HRH1: variants seen among roughly 807,000 people sequenced by gnomAD.
HRH1 encodes histamine receptor H1.
HRH1 carries 6 observed loss-of-function variants against 10.3 expected under a neutral mutation model. That is an observed-to-expected ratio of 0.58 (90% CI 0.32 to 1.15). The LOEUF is 1.15. Ranked by LOEUF, HRH1 falls within the 50% of genes most tolerant of loss-of-function variation. HRH1 has a pLI of 0.05. For missense variants in HRH1, 514 were observed against 615.3 expected, an observed-to-expected ratio of 0.84 and a Z score of 1.74; for synonymous variants, 242 against 236.7, an observed-to-expected ratio of 1.02 and a Z score of -0.21.
intron 1 of HRH1, among the ~76,000 whole-genome samples, chr3:11,232,043 G>GA (rs1939057040): frequency 6.6e-6 from 1 of 151,078 alleles, no homozygotes; most frequent in Non-Finnish European, 1.5e-5. Context: ...CCAGGCTGGA[G>GA]TGCAATGGTG....
rs552227637 is a variant in HRH1 at position 11,219,950 on chromosome 3, GTTTT to G, written c.-35-39036_-35-39033del. ...TTTAATTGTGGTAACTTAATGTGTT[GTTTT>G]TTTTTTTTTTTTTTTTACAATAAAT... On this transcript the variant is annotated intron_variant, in intron 1 of 1. Transcript: ENST00000431010. 6.0e-3 allele frequency among the ~76,000 whole-genome samples: 664 copies of G among 110,348 alleles called. 3 individuals are homozygous for G. The highest frequency in any genetic ancestry group is 0.019 in the African/African-American group (532 of 28,072). 72.4% of individuals were successfully genotyped at this position (110,348 alleles called of 152,430 possible). A position where few individuals can be genotyped will look rare whatever the true frequency, so the allele number is the denominator to read the frequency against.
intron 1 of HRH1, among the ~76,000 whole-genome samples, chr3:11,156,272 G>A (rs554652070): frequency 1.8e-4 from 27 of 152,284 alleles, no homozygotes; most frequent in South Asian, 8.3e-4. Flanking sequence ...GGCAGGAGAT[G>A]GACAGGTGCT....
At chr3:11,251,966 G>C in intron 1 of HRH1, among the ~76,000 whole-genome samples, 1 of 152,210 alleles carries the variant, frequency 6.6e-6, no homozygotes, top group Non-Finnish European at 1.5e-5. Flanking sequence ...AGTGGCCTCC[G>C]TGCTTTTGGG....
intron 1 of HRH1, among the ~76,000 whole-genome samples, chr3:11,242,480 C>CAAAA (rs35809891): frequency 9.9e-5 from 5 of 50,362 alleles, no homozygotes; most frequent in African/African-American, 1.4e-4. Context: ...GACTCCGTCT[C>CAAAA]AAAAAAAAAA....
intron 1 of HRH1, among the ~76,000 whole-genome samples, chr3:11,185,155 C>G (rs1315525630): frequency 6.6e-6 from 1 of 152,018 alleles, no homozygotes; most frequent in Non-Finnish European, 1.5e-5. Context: ...GGTCCTAGTG[C>G]TATAAATTCA....
chr3:11,159,832 G>A (rs938320347), intron 1 of HRH1, among the ~76,000 whole-genome samples: 5 of 152,210 alleles, frequency 3.3e-5, no homozygotes, highest in Admixed American at 6.5e-5. Context: ...GGATGCTAAC[G>A]TGGAGGGTAG....
intron 1 of HRH1, among the ~76,000 whole-genome samples, chr3:11,251,680 C>T (rs1246905024): frequency 6.6e-6 from 1 of 152,110 alleles, no homozygotes; most frequent in Non-Finnish European, 1.5e-5. Context: ...AAGAAGGCAG[C>T]AGGGTTAAGT....
intron 1 of HRH1, among the ~76,000 whole-genome samples, chr3:11,215,232 C>T (rs1018798918): frequency 6.6e-6 from 1 of 152,170 alleles, no homozygotes. Context: ...TGACTTTGCT[C>T]CCATGGAGAC....
chr3:11,206,694 A>G, intron 1 of HRH1, among the ~76,000 whole-genome samples: 1 of 152,252 alleles, frequency 6.6e-6, no homozygotes, highest in East Asian at 1.9e-4. Context: ...ACAGCTGGCA[A>G]GGGGTGCCCC....
At position 11,247,581 on chromosome 3, in the gene HRH1, G is replaced by C. The variant is rs572345766; in HGVS notation, c.-35-11422G>C. On this transcript the variant is annotated intron_variant, in intron 1 of 1. Coordinates refer to ENST00000431010, the MANE Select transcript of HRH1 (RefSeq NM_001098212.2). ...AAGGCATATCTGGATTTGTCTGGAC[G>C]TGGCAAAGGCGGGAAGGTTGTTTAC... is the stretch of plus-strand genomic sequence containing the variant. 7.1e-4 allele frequency among the ~76,000 whole-genome samples: 24 copies of C among 33,796 alleles called. No individual in the cohort carries two copies. The South Asian group carries it at 0.02, about 28-fold the overall frequency. The allele number at this position is 33,796 out of a possible 152,430, so 22.2% of individuals were successfully genotyped here. A position where few individuals can be genotyped will look rare whatever the true frequency, so the allele number is the denominator to read the frequency against.
At chr3:11,258,066 G>A (rs1463708755) in intron 1 of HRH1, among the ~76,000 whole-genome samples, 3 of 151,966 alleles carry the variant, frequency 2.0e-5, no homozygotes, top group Admixed American at 6.6e-5. Flanking sequence ...GTAAAATAAC[G>A]AATATGCTTT....
At position 11,259,643 on chromosome 3, in the gene HRH1, C is replaced by T. The variant is rs762486235; in HGVS notation, c.606C>T (p.Pro202=). The T allele has an allele frequency of 2.5e-6, 4 of 1,614,100 alleles. No individual in the cohort carries two copies. The highest frequency in any genetic ancestry group is 3.4e-6 in the Non-Finnish European group (4 of 1,180,020). ...VMTAIINFYL[P]TLLMLWFYAK... Reference sequence around the variant, plus strand: ...CTGCCATCATCAACTTCTACCTGCCCACCTTGCTCATGCTCTGGTTCTATG... The same window carrying T: ...CTGCCATCATCAACTTCTACCTGCCTACCTTGCTCATGCTCTGGTTCTATG... The change falls in exon 2 of 2, where the codon CCC becomes CCT. Residue 202 remains proline, a synonymous_variant. Coordinates refer to ENST00000431010, the MANE Select transcript of HRH1 (RefSeq NM_001098212.2). This position sits in a 1 kb window ranked among gnomAD's most constrained non-coding sequence, Gnocchi z 4.6.
chr3:11,218,731 C>T (rs951872812), intron 1 of HRH1, among the ~76,000 whole-genome samples: 6 of 151,164 alleles, frequency 4.0e-5, no homozygotes, highest in African/African-American at 7.3e-5. Context: ...TGGGCCACCA[C>T]GCCCAGCTAA....
At chr3:11,143,760 T>A (rs1936342454) in intron 1 of HRH1, among the ~76,000 whole-genome samples, 1 of 152,120 alleles carries the variant, frequency 6.6e-6, no homozygotes, top group South Asian at 2.1e-4. Context: ...CTACCCACCA[T>A]CCCCTGAGTG....
At chr3:11,250,447 G>A (rs1057098524) in intron 1 of HRH1, among the ~76,000 whole-genome samples, 8 of 151,894 alleles carry the variant, frequency 5.3e-5, no homozygotes, top group East Asian at 1.9e-4. Context: ...TCAACGGTCC[G>A]GACTGCTGTC....
chr3:11,151,141 C>G (rs1015581314), upstream of HRH1, among the ~76,000 whole-genome samples: 1 of 152,186 alleles, frequency 6.6e-6, no homozygotes, highest in African/African-American at 2.4e-5. Flanking sequence ...GGTTTCAGGA[C>G]TGGGTATGTG....
Position 11,155,482 on chromosome 3 carries a change from A to C in HRH1, c.-36+928A>C, listed in dbSNP as rs555030756. The stretch of plus-strand genomic sequence containing the variant: ...CTCTGTTACCCCACCCCCAGCCCCC[A>C]GTCCTCCATGAAGATCCCACCTCTT... On this transcript the variant is annotated intron_variant, in intron 1 of 1. Coordinates refer to ENST00000431010, the MANE Select transcript of HRH1 (RefSeq NM_001098212.2). Among the ~76,000 whole-genome samples, 6 of 152,142 alleles carry C rather than the reference A, an allele frequency of 3.9e-5. No homozygotes were observed. The East Asian group carries it at 9.7e-4, about 25-fold the overall frequency.
At chr3:11,156,753 A>T (rs1559255201) in intron 1 of HRH1, among the ~76,000 whole-genome samples, 2 of 152,316 alleles carry the variant, frequency 1.3e-5, no homozygotes, top group South Asian at 4.1e-4. Context: ...GTAATAGCTA[A>T]AAGTGTTAAG....
intron 1 of HRH1, among the ~76,000 whole-genome samples, chr3:11,184,600 T>C (rs531976865): frequency 4.7e-4 from 71 of 152,184 alleles, no homozygotes; most frequent in African/African-American, 1.6e-3. Flanking sequence ...GAGATAATGA[T>C]TTCCAAGCAC....
Sources: allele counts gnomAD v4.1 joint callset (sites outside exome capture counted in the v4.1 genomes callset), GRCh38; gene constraint gnomAD v4.1.1; non-coding constraint Gnocchi (gnomAD v3.1); transcripts MANE v1.5; gene names NCBI Gene and HGNC (gene_info 2026-07-23, HGNC 2026-07-21).